ADGRB2: variants seen among roughly 807,000 people sequenced by gnomAD.
The protein encoded by ADGRB2 is brain-specific angiogenesis inhibitor 2.
A neutral mutation model predicts 178.7 loss-of-function variants in ADGRB2; 47 were observed. That is an observed-to-expected ratio of 0.26 (90% CI 0.21 to 0.34). The LOEUF (loss-of-function observed/expected upper bound fraction) is 0.34, where lower values mean the gene tolerates loss of function less well. Ranked by LOEUF, ADGRB2 falls within the 10% of genes least tolerant of loss-of-function variation. The pLI, the probability that ADGRB2 is intolerant of heterozygous loss-of-function variation, is 1.00. For missense variants in ADGRB2, 1,584 were observed against 2,180.8 expected, an observed-to-expected ratio of 0.73 and a Z score of 5.45; for synonymous variants, 870 against 912.4, an observed-to-expected ratio of 0.95 and a Z score of 0.84.
At chr1:31,748,207 C>A (rs1646375979) in intron 4 of ADGRB2, among the ~76,000 whole-genome samples, 1 of 152,226 alleles carries the variant, frequency 6.6e-6, no homozygotes, top group African/African-American at 2.4e-5. Flanking sequence ...GGGTTGGGGT[C>A]AGTGGTTTCC....
rs745995035 is a variant in ADGRB2, at chr1:31,753,839, C to T, written c.838+2160G>A. Reference sequence around the variant, plus strand: ...GGGAGGGGATGGCAGAATAGAAGAGCTTCCTGCCTGCCAAGGGAGGGGAAG... The same window carrying T: ...GGGAGGGGATGGCAGAATAGAAGAGTTTCCTGCCTGCCAAGGGAGGGGAAG... On this transcript the variant is annotated intron_variant, in intron 4 of 32. Coordinates refer to ENST00000373658, the MANE Select transcript of ADGRB2 (RefSeq NM_001364857.2). The surrounding 1 kb of genome is among the most constrained non-coding windows in gnomAD (Gnocchi z 4.1). Among the ~76,000 whole-genome samples the T allele has an allele frequency of 1.4e-4, 21 of 152,200 alleles. No individual in the cohort carries two copies. The highest frequency in any genetic ancestry group is 2.4e-4 in the Non-Finnish European group (16 of 68,030).
intron 18 of ADGRB2, 63 bp from the exon 19 acceptor site, chr1:31,737,818 GT>G: frequency 6.9e-7 from 1 of 1,443,952 alleles, no homozygotes. Flanking sequence ...GGGGTGCCCT[GT>G]CCCCTCATCT....
Position 31,731,033 on chromosome 1 carries a change from G to A in ADGRB2, c.4147C>T (p.Arg1383Trp), listed in dbSNP as rs779610152. The change falls in exon 29 of 33, where the codon CGG (arginine) becomes TGG (tryptophan). Residue 1383 changes from arginine to tryptophan, a missense_variant. Around this residue, in one of 3 missense-constraint regions of ADGRB2, gnomAD observed 865 missense variants for 1,192.8 expected, o/e 0.73. Transcript: ENST00000373658. ...TGGGCCACTGTCTTGGCAGCTCGCC[G>A]GGGGGTCCCCTCCGGCCGGGCCCTG... is the stretch of plus-strand genomic sequence containing the variant. ...APRARPEGTP[R>W]RAAKTVAHTE... The A allele has an allele frequency of 1.8e-5, 29 of 1,583,170 alleles. No homozygotes were observed. The highest frequency in any genetic ancestry group is 2.5e-5 in the Non-Finnish European group (29 of 1,162,242).
At chr1:31,738,652 T>A (rs1359859251) in intron 16 of ADGRB2, 22 bp from the exon 17 acceptor site, 2 of 1,612,078 alleles carry the variant, frequency 1.2e-6, no homozygotes, top group African/African-American at 2.7e-5. Flanking sequence ...AAGACATGAG[T>A]GCAGTCTAGG....
At position 31,727,793 on chromosome 1, in the gene ADGRB2, GC is replaced by G. The variant is rs1645060896; in HGVS notation, c.4573-189del. The G allele has an allele frequency of 2.4e-6, 2 of 850,030 alleles. No homozygotes were observed. The highest frequency in any genetic ancestry group is 3.5e-6 in the Non-Finnish European group (2 of 569,480). 52.7% of individuals were successfully genotyped at this position (850,030 alleles called of 1,614,324 possible). ...GGGCTCCTGACCCCTGTTCTCAGTG[GC>G]CCCCAGGACATGTCTCCTGCTGACC... On this transcript the variant is annotated intron_variant, in intron 32 of 32. Coordinates refer to ENST00000373658, the MANE Select transcript of ADGRB2 (RefSeq NM_001364857.2). The surrounding 1 kb of genome is among the most constrained non-coding windows in gnomAD (Gnocchi z 4.4).
intron 1 of ADGRB2, among the ~76,000 whole-genome samples, chr1:31,762,478 G>GCTCT (rs1647068267): frequency 6.6e-6 from 1 of 152,166 alleles, no homozygotes; most frequent in Admixed American, 6.5e-5. Context: ...TGGGGTAGAG[G>GCTCT]CTCTCTGGCA....
At chr1:31,749,616 T>C (rs1255314085) in intron 4 of ADGRB2, among the ~76,000 whole-genome samples, 5 of 152,166 alleles carry the variant, frequency 3.3e-5, no homozygotes, top group East Asian at 1.9e-4. Context: ...CCGCTCTCAA[T>C]GAAAAGGAGA....
At chr1:31,757,163 C>T (rs781212004) in intron 3 of ADGRB2, 38 bp downstream of exon 3, 120 of 1,614,006 alleles carry the variant, frequency 7.4e-5, no homozygotes, top group Non-Finnish European at 9.8e-5. Context: ...CAACTACAAG[C>T]ATATTCGCCT....
Position 31,735,986 on chromosome 1 carries a change from C to T in ADGRB2, c.3201-93G>A, listed in dbSNP as rs1569824044. 7.6e-6 allele frequency: 10 copies of T among 1,320,408 alleles called. No homozygotes were observed. Among genetic ancestry groups the T allele is most frequent in the East Asian group, 2.5e-5 (1 of 39,650 alleles). The allele number at this position is 1,320,408 out of a possible 1,614,324, so 81.8% of individuals were successfully genotyped here. On this transcript the variant is annotated intron_variant, in intron 22 of 32. Coordinates refer to ENST00000373658, the MANE Select transcript of ADGRB2 (RefSeq NM_001364857.2). The surrounding 1 kb of genome is among the most constrained non-coding windows in gnomAD (Gnocchi z 6.0). ...CTCAGTCCTCCCAGGCTGCCATGCC[C>T]GCATCACCAGTGCAGTCTGAGCCCC...
In ADGRB2 at chr1:31,740,923, ACACTGT is replaced by A. The variant is rs1365685439; in HGVS notation, c.1795-388_1795-383del. Among the ~76,000 whole-genome samples the A allele has an allele frequency of 6.6e-6, 1 of 150,990 alleles. No homozygotes were observed. The highest frequency in any genetic ancestry group is 2.4e-5 in the African/African-American group (1 of 41,040). On this transcript the variant is annotated intron_variant, in intron 11 of 32. Transcript: ENST00000373658. The surrounding 1 kb of genome is among the most constrained non-coding windows in gnomAD (Gnocchi z 5.9). ...CACACACACACACACACACACACAC[ACACTGT>A]CTTTCTCTCTCTCACTCTCTCTCAA... is the stretch of plus-strand genomic sequence containing the variant.
chr1:31,743,073 G>T (rs376564200), intron 6 of ADGRB2, 71 bp from the exon 7 acceptor site: 46 of 1,336,556 alleles, frequency 3.4e-5, no homozygotes, highest in East Asian at 3.1e-4. Context: ...CTGCCCATCC[G>T]CCCACCAATC....
At chr1:31,752,486 G>C (rs770930224) in intron 4 of ADGRB2, among the ~76,000 whole-genome samples, 1 of 152,236 alleles carries the variant, frequency 6.6e-6, no homozygotes, top group Non-Finnish European at 1.5e-5. Flanking sequence ...ATGGCCGAGA[G>C]AGCAGCAGGG....
At chr1:31,731,862 C>T (rs550662144) in intron 28 of ADGRB2, among the ~76,000 whole-genome samples, 2 of 152,294 alleles carry the variant, frequency 1.3e-5, no homozygotes, top group South Asian at 2.1e-4. Context: ...TGCCCCTAAG[C>T]CCCCCACCTG....
chr1:31,745,244 G>A (rs557866816), intron 4 of ADGRB2, among the ~76,000 whole-genome samples: 6 of 152,174 alleles, frequency 3.9e-5, no homozygotes, highest in South Asian at 2.1e-4. Context: ...CCCTGGCCCC[G>A]AGCCTATCTC....
Position 31,756,866 on chromosome 1 carries a change from T to G in ADGRB2, c.22-51A>C. 1 of 1,431,386 alleles carries G rather than the reference T, an allele frequency of 7.0e-7. No homozygotes were observed. Among genetic ancestry groups the G allele is most frequent in the Non-Finnish European group, 9.2e-7 (1 of 1,081,884 alleles). The allele number at this position is 1,431,386 out of a possible 1,614,324, so 88.7% of individuals were successfully genotyped here. A position where few individuals can be genotyped will look rare whatever the true frequency, so the allele number is the denominator to read the frequency against. On this transcript the variant is annotated intron_variant, in intron 3 of 32. Transcript: ENST00000373658. The surrounding 1 kb of genome is among the most constrained non-coding windows in gnomAD (Gnocchi z 8.5). Reference sequence around the variant, plus strand: ...GGCCCCCAGCACAGCCAGCATGGGCTCTGAACCTTCTATGGTGAGCTGCGG... The same window carrying G: ...GGCCCCCAGCACAGCCAGCATGGGCGCTGAACCTTCTATGGTGAGCTGCGG...
intron 29 of ADGRB2, among the ~76,000 whole-genome samples, chr1:31,730,257 T>A (rs1240399228): frequency 6.6e-6 from 1 of 152,226 alleles, no homozygotes; most frequent in East Asian, 1.9e-4. Context: ...ACCACAGGCC[T>A]GTGGGCAGCA....
chr1:31,756,328 G>A lies in ADGRB2; in HGVS notation c.509C>T (p.Pro170Leu), dbSNP rs559259878. ...TAGGGCAGCGGGCGCCAGCAGGCGC[G>A]GGGCCTCGGAGGGCTCAGCCGACAG... ...LCLSAEPSEA[P>L]RLLAPAALAF... The change falls in exon 4 of 33, where the codon CCG becomes CTG. Residue 170 changes from proline to leucine, a missense_variant. This residue lies in a region of ADGRB2 where 657 missense variants were observed against 847.6 expected (regional missense o/e 0.78). Coordinates refer to ENST00000373658, the MANE Select transcript of ADGRB2 (RefSeq NM_001364857.2). This position sits in a 1 kb window ranked among gnomAD's most constrained non-coding sequence, Gnocchi z 8.5. The A allele has an allele frequency of 2.5e-4, 405 of 1,612,902 alleles. 2 individuals are homozygous for A. The South Asian group carries it at 3.9e-3, about 16-fold the overall frequency.
At position 31,755,492 on chromosome 1, in the gene ADGRB2, G is replaced by T. The variant is rs1052395339; in HGVS notation, c.838+507C>A. On this transcript the variant is annotated intron_variant, in intron 4 of 32. Coordinates refer to ENST00000373658, the MANE Select transcript of ADGRB2 (RefSeq NM_001364857.2). This position sits in a 1 kb window ranked among gnomAD's most constrained non-coding sequence, Gnocchi z 5.1. Reference sequence around the variant, plus strand: ...ACTCTTCCTTGCCTCTCTCTGCCCTGACCCCGGGGCAACTGCCAAAACTCA... The same window carrying T: ...ACTCTTCCTTGCCTCTCTCTGCCCTTACCCCGGGGCAACTGCCAAAACTCA... Among the ~76,000 whole-genome samples, 19 of 152,078 alleles carry T rather than the reference G, an allele frequency of 1.2e-4. No individual in the cohort carries two copies. The highest frequency in any genetic ancestry group is 1.1e-3 in the Admixed American group (17 of 15,276).
chr1:31,738,556 C>T (rs1291382109), intron 17 of ADGRB2, 31 bp downstream of exon 17: 1 of 1,594,596 alleles, frequency 6.3e-7, no homozygotes. Flanking sequence ...GGGCTGCTCC[C>T]TTCCTCACCC....
Sources: gnomAD v4.1 joint callset for allele counts (sites outside exome capture counted in the v4.1 genomes callset) on GRCh38, gnomAD v4.1.1 for gene constraint, gnomAD v4.1.1 regional missense constraint, Gnocchi (gnomAD v3.1) non-coding constraint, MANE v1.5 for transcripts, NCBI Gene and HGNC (gene_info 2026-07-23, HGNC 2026-07-21) for gene names.